EPHA7: variants seen among roughly 807,000 people sequenced by gnomAD.
EPHA7 encodes EPH receptor A7, also known as ephrin type-A receptor 7.
Under a neutral mutation model 112.6 loss-of-function variants are expected in EPHA7, and 25 were observed. The ratio of observed to expected loss-of-function variants is 0.22; its 90% CI spans 0.16 to 0.31. The LOEUF (loss-of-function observed/expected upper bound fraction) is 0.31, where lower values mean the gene tolerates loss of function less well. EPHA7 is among the 10% of genes least tolerant of loss of function. The probability of loss-of-function intolerance (pLI) is 1.00; values close to 1 mark genes in which losing one functional copy is unlikely to be tolerated. For missense variants in EPHA7, 962 were observed against 1,212.6 expected (o/e 0.79, Z 3.07); for synonymous variants, 437 against 406.5 (o/e 1.07, Z -0.90).
In EPHA7 at chr6:93,242,152, A is replaced by G. The variant is rs1769716237; in HGVS notation, c.*1274T>C. Reference sequence around the variant, plus strand: ...GTAATCAAATAATATGGTTTAATAAATAAAGCTTTAAAAACAAGCCAGATC... The same window carrying G: ...GTAATCAAATAATATGGTTTAATAAGTAAAGCTTTAAAAACAAGCCAGATC... On this transcript the variant is annotated 3_prime_UTR_variant, in exon 17 of 17. Transcript: ENST00000369303. 1 of 194,560 alleles carries G rather than the reference A, an allele frequency of 5.1e-6. No individual in the cohort carries two copies. Among genetic ancestry groups the G allele is most frequent in the South Asian group, 1.9e-4 (1 of 5,198 alleles). 12.1% of individuals were successfully genotyped at this position (194,560 alleles called of 1,614,324 possible). A position where few individuals can be genotyped will look rare whatever the true frequency, so the allele number is the denominator to read the frequency against.
chr6:93,387,924 C>CAGATAGAT (rs200554873), intron 3 of EPHA7, among the ~76,000 whole-genome samples: 1,862 of 145,646 alleles, frequency 0.013, 19 homozygotes, highest in East Asian at 0.039. Flanking sequence ...GATAGATAGA[C>CAGATAGAT]AGATAGATAG....
At chr6:93,408,101 C>T (rs544643431) in intron 3 of EPHA7, among the ~76,000 whole-genome samples, 14 of 152,032 alleles carry the variant, frequency 9.2e-5, no homozygotes, top group African/African-American at 3.4e-4. Context: ...ACCTTTAAAA[C>T]ACAGGGCCTT....
rs774074768 is a variant in EPHA7, at chr6:93,272,341, G to C, written c.1406C>G (p.Pro469Arg). Residue 469 changes from proline (P) to arginine (R), a missense_variant, in exon 6 of 17, where the codon CCC becomes CGC. By Grantham distance (103) the Pro-to-Arg change is moderately radical. Around this residue, in one of 3 missense-constraint regions of EPHA7, gnomAD observed 746 missense variants for 889.2 expected, o/e 0.84. Coordinates refer to ENST00000369303, the MANE Select transcript of EPHA7 (RefSeq NM_004440.4). ...TTCATATTCTGTGATGACTCCATTG[G>C]GATGCTCTGGTTCCTGCCAGGAAAG... ...VELSWQEPEH[P>R]NGVITEYEIK... The C allele has an allele frequency of 1.2e-6, 2 of 1,612,040 alleles. No individual in the cohort carries two copies. The highest frequency in any genetic ancestry group is 1.7e-6 in the Non-Finnish European group (2 of 1,178,646).
chr6:93,315,142 G>A (rs1018067334), intron 5 of EPHA7, among the ~76,000 whole-genome samples: 3 of 150,334 alleles, frequency 2.0e-5, no homozygotes, highest in African/African-American at 2.5e-5. Flanking sequence ...GATTACAGGC[G>A]TGAGCCACCG....
intron 3 of EPHA7, among the ~76,000 whole-genome samples, chr6:93,382,201 G>A (rs1338972581): frequency 2.0e-5 from 3 of 152,086 alleles, no homozygotes; most frequent in Non-Finnish European, 2.9e-5. Context: ...CTGGTTTTGC[G>A]GAAGACAATT....
At chr6:93,250,626 T>TATGC (rs1467527308) in intron 14 of EPHA7, among the ~76,000 whole-genome samples, 1 of 152,098 alleles carries the variant, frequency 6.6e-6, no homozygotes, top group African/African-American at 2.4e-5. Flanking sequence ...AGGTACATTC[T>TATGC]TCATATAGTT....
In EPHA7 at chr6:93,294,785, T is replaced by C. The variant is rs146220830; in HGVS notation, c.1325-22363A>G. Among the ~76,000 whole-genome samples the C allele has an allele frequency of 2.6e-3, 390 of 152,194 alleles. 1 individual carries two copies. Among genetic ancestry groups the C allele is most frequent in the African/African-American group, 8.7e-3 (361 of 41,558 alleles). ...ACATTAATAGATATAGATTCACATA[T>C]GGCATTGATAAGTCACAATGTTGGA... is the stretch of plus-strand genomic sequence containing the variant. On this transcript the variant is annotated intron_variant, in intron 5 of 16. Coordinates refer to ENST00000369303, the MANE Select transcript of EPHA7 (RefSeq NM_004440.4).
chr6:93,313,065 T>TA (rs542504702), intron 5 of EPHA7, among the ~76,000 whole-genome samples: 3 of 151,540 alleles, frequency 2.0e-5, no homozygotes, highest in East Asian at 3.9e-4. Flanking sequence ...ATAATAATAA[T>TA]AAAAAAAATG....
rs1009997194 is a variant in EPHA7, at chr6:93,419,111, G to A, written c.97+134C>T. Reference sequence around the variant, plus strand: ...CCGCCAGGAGCGGCCTCAGCGGTGAGGGGGCGGGGAGCCGGCGGGGGAGGG... The same window carrying A: ...CCGCCAGGAGCGGCCTCAGCGGTGAAGGGGCGGGGAGCCGGCGGGGGAGGG... On this transcript the variant is annotated intron_variant, in intron 1 of 16. Coordinates refer to ENST00000369303, the MANE Select transcript of EPHA7 (RefSeq NM_004440.4). The A allele has an allele frequency of 9.7e-6, 6 of 620,656 alleles. 1 individual carries two copies. The African/African-American group carries it at 9.9e-5, about 10-fold the overall frequency. 38.4% of individuals were successfully genotyped at this position (620,656 alleles called of 1,614,324 possible).
chr6:93,300,124 A>T (rs1305834166), intron 5 of EPHA7, among the ~76,000 whole-genome samples: 1 of 152,170 alleles, frequency 6.6e-6, no homozygotes, highest in Non-Finnish European at 1.5e-5. Context: ...CCCTGAACTG[A>T]AAGTTTTTTT....
At chr6:93,255,680 CAAAA>C in intron 13 of EPHA7, 144 bp downstream of exon 13, 2 of 547,672 alleles carry the variant, frequency 3.7e-6, no homozygotes, top group South Asian at 4.8e-5. Context: ...TCCAGAAAAA[CAAAA>C]AACAAAAAAC....
intron 5 of EPHA7, among the ~76,000 whole-genome samples, chr6:93,282,559 C>A (rs954907384): frequency 2.6e-5 from 4 of 152,244 alleles, no homozygotes; most frequent in African/African-American, 7.2e-5. Flanking sequence ...ACTTGAGGAG[C>A]CCTTCGACCT....
intron 14 of EPHA7, among the ~76,000 whole-genome samples, chr6:93,252,144 T>C (rs1470129240): frequency 1.3e-5 from 2 of 151,904 alleles, no homozygotes; most frequent in African/African-American, 4.8e-5. Flanking sequence ...CACCACCCTT[T>C]TGTGTCTCTT....
rs141534349 is a variant in EPHA7 at position 93,379,255 on chromosome 6, A to C, written c.833-20844T>G. ...TGGTAGGTAGAAAGAAAAATTAAAA[A>C]TTTGAATTGCCTCTTCCTCCAAAAC... On this transcript the variant is annotated intron_variant, in intron 3 of 16. Coordinates refer to ENST00000369303, the MANE Select transcript of EPHA7 (RefSeq NM_004440.4). Among the ~76,000 whole-genome samples, 34 of 152,194 alleles carry C rather than the reference A, an allele frequency of 2.2e-4. No individual in the cohort carries two copies. The East Asian group carries it at 6.2e-3, about 28-fold the overall frequency.
chr6:93,246,809 G>A lies in EPHA7; in HGVS notation c.2709C>T (p.Pro903=), dbSNP rs760042751. ...MIRNPNSLKT[P]LGTCSRPISP... ...TTTCTTACCTACTACAAGTTCCCAG[G>A]GGAGTTTTCAGACTATTTGGGTTTC... Residue 903 remains proline, a synonymous_variant, in exon 15 of 17, where the codon CCC becomes CCT. Transcript: ENST00000369303. 2 of 1,607,274 alleles carry A rather than the reference G, an allele frequency of 1.2e-6. No homozygotes were observed. The highest frequency in any genetic ancestry group is 1.7e-6 in the Non-Finnish European group (2 of 1,174,204).
chr6:93,378,674 G>A (rs1304240163), intron 3 of EPHA7, among the ~76,000 whole-genome samples: 2 of 152,100 alleles, frequency 1.3e-5, no homozygotes, highest in Non-Finnish European at 2.9e-5. Flanking sequence ...AGATAGGCAA[G>A]ACAAGTAAAG....
At chr6:93,314,933 G>A (rs1443892928) in intron 5 of EPHA7, among the ~76,000 whole-genome samples, 6 of 142,820 alleles carry the variant, frequency 4.2e-5, no homozygotes, top group Non-Finnish European at 9.0e-5. Flanking sequence ...CGCGATCTCG[G>A]CTCACTGCAA....
intron 16 of EPHA7, among the ~76,000 whole-genome samples, chr6:93,244,226 G>A (rs750277816): frequency 8.6e-5 from 13 of 152,038 alleles, no homozygotes; most frequent in Non-Finnish European, 1.8e-4. Context: ...CTATAGCACC[G>A]TAGTTTTTCA....
intron 3 of EPHA7, among the ~76,000 whole-genome samples, chr6:93,396,371 C>A (rs904047081): frequency 6.6e-6 from 1 of 151,714 alleles, no homozygotes; most frequent in African/African-American, 2.4e-5. Flanking sequence ...ACATAATTTT[C>A]AGAAATATAT....
Sources: gnomAD v4.1 joint callset for allele counts (sites outside exome capture counted in the v4.1 genomes callset) on GRCh38, gnomAD v4.1.1 for gene constraint, gnomAD v4.1.1 regional missense constraint, MANE v1.5 for transcripts, NCBI Gene and HGNC (gene_info 2026-07-23, HGNC 2026-07-21) for gene names.